The following DNM2 variants were observed in gnomAD, a reference collection of about 807,000 sequenced individuals.
The protein encoded by DNM2 is dynamin 2, also known as dynamin-2.
Under a neutral mutation model 99.0 loss-of-function variants are expected in DNM2, and 15 were observed. The observed-to-expected ratio is 0.15, with a 90% CI of 0.10 to 0.23. The LOEUF (loss-of-function observed/expected upper bound fraction) is 0.23. Ranked by LOEUF, DNM2 falls within the 10% of genes least tolerant of loss-of-function variation. DNM2 has a pLI of 1.00. For missense variants in DNM2, 742 were observed against 1,189.4 expected, an observed-to-expected ratio of 0.62 and a Z score of 5.53; for synonymous variants, 525 against 481.2, an observed-to-expected ratio of 1.09 and a Z score of -1.19.
At chr19:10,794,362 T>TGTGTGTGTGC (rs1419973199) in intron 8 of DNM2, among the ~76,000 whole-genome samples, 26 of 152,074 alleles carry the variant, frequency 1.7e-4, no homozygotes, top group African/African-American at 6.0e-4. Context: ...TGTGTGTGTG[T>TGTGTGTGTGC]GTGTGTGTGT....
chr19:10,725,901 G>T (rs556551949), intron 1 of DNM2, among the ~76,000 whole-genome samples: 1 of 152,014 alleles, frequency 6.6e-6, no homozygotes, highest in Non-Finnish European at 1.5e-5. Flanking sequence ...CTATAGGCAT[G>T]AGCCACCACA....
At chr19:10,728,154 T>A (rs2069174202) in intron 1 of DNM2, among the ~76,000 whole-genome samples, 1 of 152,204 alleles carries the variant, frequency 6.6e-6, no homozygotes, top group Admixed American at 6.5e-5. Context: ...GGATGACTGT[T>A]TCAGTTTCAT....
chr19:10,773,146 ATT>A lies in DNM2; in HGVS notation c.385+536_385+537del, dbSNP rs71164120. On this transcript the variant is annotated intron_variant, in intron 3 of 20. Transcript: ENST00000389253. ...AGGCATGCACCACTACACCCAGCTA[ATT>A]TTTTTTTTTTTTTTTTTGAGATGGA... 1.8e-3 allele frequency among the ~76,000 whole-genome samples: 178 copies of A among 97,628 alleles called. 1 individual carries two copies. Among genetic ancestry groups the A allele is most frequent in the East Asian group, 5.2e-3 (18 of 3,484 alleles). The allele number at this position is 97,628 out of a possible 152,430, so 64.0% of individuals were successfully genotyped here. A position where few individuals can be genotyped will look rare whatever the true frequency, so the allele number is the denominator to read the frequency against.
chr19:10,739,097 C>T (rs928519013), intron 1 of DNM2, among the ~76,000 whole-genome samples: 8 of 152,054 alleles, frequency 5.3e-5, no homozygotes, highest in Non-Finnish European at 8.8e-5. Flanking sequence ...GGCTTGAATC[C>T]TGGAGGAGGA....
chr19:10,729,122 A>G (rs4804521), intron 1 of DNM2, among the ~76,000 whole-genome samples: 125,300 of 137,814 alleles, frequency 0.91, 56,425 homozygotes, highest in East Asian at 0.95. Flanking sequence ...CCGAGATCGC[A>G]CCACTGCACT....
chr19:10,787,738 G>A (rs1297968627), intron 7 of DNM2, among the ~76,000 whole-genome samples: 3 of 136,978 alleles, frequency 2.2e-5, no homozygotes, highest in Non-Finnish European at 4.6e-5. Context: ...CTGGGTGATC[G>A]AGCAAGACTG....
At chr19:10,784,273 C>T (rs1318962076) in intron 6 of DNM2, among the ~76,000 whole-genome samples, 2 of 152,044 alleles carry the variant, frequency 1.3e-5, no homozygotes, top group South Asian at 2.1e-4. Flanking sequence ...CAACAAACCG[C>T]CAGATAAATG....
At chr19:10,745,762 A>G (rs1030357489) in intron 1 of DNM2, among the ~76,000 whole-genome samples, 1 of 152,174 alleles carries the variant, frequency 6.6e-6, no homozygotes, top group Non-Finnish European at 1.5e-5. Flanking sequence ...TTTAGAAGGA[A>G]AACAGGGCAA....
chr19:10,766,077 C>T (rs908637110), intron 2 of DNM2, among the ~76,000 whole-genome samples: 8 of 152,130 alleles, frequency 5.3e-5, no homozygotes, highest in African/African-American at 1.9e-4. Context: ...AGGGTAGGAA[C>T]CCGGAGCTGG....
chr19:10,771,284 A>AT (rs2070969607), intron 2 of DNM2, among the ~76,000 whole-genome samples: 1 of 152,168 alleles, frequency 6.6e-6, no homozygotes. Context: ...TCAATCTGTG[A>AT]TTCGGGACTG....
intron 1 of DNM2, among the ~76,000 whole-genome samples, chr19:10,723,497 A>G (rs2069011231): frequency 6.6e-6 from 1 of 151,972 alleles, no homozygotes; most frequent in South Asian, 2.1e-4. Flanking sequence ...CAAACTCCTG[A>G]CCTCAAGTGA....
Position 10,732,427 on chromosome 19 carries a change from C to T in DNM2, c.161+14024C>T, listed in dbSNP as rs889476520. On this transcript the variant is annotated intron_variant, in intron 1 of 20. Coordinates refer to ENST00000389253, the MANE Select transcript of DNM2 (RefSeq NM_001005361.3). Reference sequence around the variant, plus strand: ...CATCCTGACTAACACGGTGAAACCCCACCTCTACTAAAAATACAAAGAATT... The same window carrying T: ...CATCCTGACTAACACGGTGAAACCCTACCTCTACTAAAAATACAAAGAATT... 2.6e-5 allele frequency among the ~76,000 whole-genome samples: 4 copies of T among 151,394 alleles called. No homozygotes were observed. In the East Asian group the frequency reaches 6.0e-4, roughly 23 times the overall value.
intron 16 of DNM2, 177 bp from the exon 17 acceptor site, chr19:10,823,611 C>G (rs1298390243): frequency 4.9e-6 from 3 of 612,740 alleles, no homozygotes; most frequent in Non-Finnish European, 8.9e-6. Context: ...AGCTTGTGCA[C>G]AGCGCTCTTC....
In DNM2 at chr19:10,808,659, T is replaced by C. The variant is rs1220414905; in HGVS notation, c.1557+79T>C. 2.7e-6 allele frequency: 4 copies of C among 1,477,474 alleles called. No homozygotes were observed. In the African/African-American group the frequency reaches 4.2e-5, roughly 16 times the overall value. The allele number at this position is 1,477,474 out of a possible 1,614,324, so 91.5% of individuals were successfully genotyped here. A position where few individuals can be genotyped will look rare whatever the true frequency, so the allele number is the denominator to read the frequency against. Reference sequence around the variant, plus strand: ...GACCCCGCCCACCCCTAATATTCCCTGTTCCCCATCCCCTCCAAATAACAA... The same window carrying C: ...GACCCCGCCCACCCCTAATATTCCCCGTTCCCCATCCCCTCCAAATAACAA... On this transcript the variant is annotated intron_variant, in intron 14 of 20. Transcript: ENST00000389253.
rs2071134694 is a variant in DNM2, at chr19:10,775,837, G to C, written c.520G>C (p.Val174Leu). ...ISRESSLILA[V>L]TPANMDLANS... is the part of the protein sequence containing the mutation. The stretch of plus-strand genomic sequence containing the variant: ...CCGGGAGAGCAGCCTCATTCTGGCT[G>C]TCACGCCCGCCAACATGGACCTGGC... Residue 174 changes from valine to leucine, a missense_variant, in exon 4 of 21, where the codon GTC becomes CTC. Physicochemically the swap from Val to Leu is conservative, Grantham distance 32. Transcript: ENST00000389253. This position sits in a 1 kb window ranked among gnomAD's most constrained non-coding sequence, Gnocchi z 4.3. 6.2e-7 allele frequency: 1 copy of C among 1,614,044 alleles called. No homozygotes were observed.
chr19:10,764,145 G>A lies in DNM2; in HGVS notation c.235+4334G>A, dbSNP rs1036940511. 6.6e-6 allele frequency among the ~76,000 whole-genome samples: 1 copy of A among 152,162 alleles called. No homozygotes were observed. The highest frequency in any genetic ancestry group is 1.5e-5 in the Non-Finnish European group (1 of 68,008). ...CGTGGCTCCTAGGGATTGGCAGCTG[G>A]CTCTCTGTGACCAAACTCAGAACCA... On this transcript the variant is annotated intron_variant, in intron 2 of 20. Coordinates refer to ENST00000389253, the MANE Select transcript of DNM2 (RefSeq NM_001005361.3). This position sits in a 1 kb window ranked among gnomAD's most constrained non-coding sequence, Gnocchi z 4.1.
At chr19:10,784,818 G>GGT (rs1265318885) in intron 6 of DNM2, among the ~76,000 whole-genome samples, 1 of 51,274 alleles carries the variant, frequency 2.0e-5, no homozygotes, top group African/African-American at 7.6e-5. Context: ...TTTTTTTGAT[G>GGT]ATTTTTTTTT....
rs536929041 is a variant in DNM2 at position 10,830,857 on chromosome 19, C to A, written c.2544-121C>A. 2.4e-6 allele frequency: 3 copies of A among 1,258,828 alleles called. No homozygotes were observed. The highest frequency in any genetic ancestry group is 3.1e-5 in the African/African-American group (2 of 65,240). 78.0% of individuals were successfully genotyped at this position (1,258,828 alleles called of 1,614,324 possible). On this transcript the variant is annotated intron_variant, in intron 20 of 20. Transcript: ENST00000389253. The surrounding 1 kb of genome is among the most constrained non-coding windows in gnomAD (Gnocchi z 4.8). ...CGACACCCTGGTGGCTTGCGGAGGT[C>A]AGCCTGGGAACACCCTGGGGTGGTG... is the stretch of plus-strand genomic sequence containing the variant.
intron 7 of DNM2, among the ~76,000 whole-genome samples, chr19:10,788,663 T>C (rs2071648908): frequency 6.6e-6 from 1 of 152,220 alleles, no homozygotes; most frequent in Non-Finnish European, 1.5e-5. Flanking sequence ...GTGCAGCTGC[T>C]TAGCTGTGAG....
Sources: allele counts gnomAD v4.1 joint callset (sites outside exome capture counted in the v4.1 genomes callset), GRCh38; gene constraint gnomAD v4.1.1; non-coding constraint Gnocchi (gnomAD v3.1); transcripts MANE v1.5; gene names NCBI Gene and HGNC (gene_info 2026-07-23, HGNC 2026-07-21).